Variants in MYO1B observed in about 807,000 individuals in gnomAD.
The protein encoded by MYO1B is unconventional myosin-Ib.
MYO1B carries 72 observed loss-of-function variants against 159.7 expected under a neutral mutation model. That is an observed-to-expected ratio of 0.45 (90% CI 0.37 to 0.55). The LOEUF (loss-of-function observed/expected upper bound fraction) is 0.55, where lower values mean the gene tolerates loss of function less well. Among genes scored for constraint, MYO1B ranks in the 20% least tolerant of loss-of-function variants. MYO1B has a pLI of 0.00. For synonymous variants in MYO1B, 468 were observed against 473.8 expected (o/e 0.99, Z 0.16); for missense variants, 1,062 against 1,364.8 (o/e 0.78, Z 3.50).
chr2:191,409,379 G>A (rs1427485378), intron 26 of MYO1B, among the ~76,000 whole-genome samples: 2 of 152,196 alleles, frequency 1.3e-5, no homozygotes, highest in East Asian at 1.9e-4. Flanking sequence ...CTGTGCGGTC[G>A]CCTCTCGGCC....
At position 191,277,115 on chromosome 2, in the gene MYO1B, T is replaced by TC; in HGVS notation, c.135+86dup. The TC allele has an allele frequency of 2.7e-6, 4 of 1,491,448 alleles. No individual in the cohort carries two copies. The Admixed American group carries it at 8.6e-5, about 32-fold the overall frequency. 92.4% of individuals were successfully genotyped at this position (1,491,448 alleles called of 1,614,324 possible). A position where few individuals can be genotyped will look rare whatever the true frequency, so the allele number is the denominator to read the frequency against. On this transcript the variant is annotated intron_variant, in intron 2 of 30. Coordinates refer to ENST00000392318, the MANE Select transcript of MYO1B (RefSeq NM_001130158.3). The stretch of plus-strand genomic sequence containing the variant: ...GTCTTTTCTTCCTCAGACTCTTCTT[T>TC]CTTTTTTCTCTCTGTTTGAGTCCAG...
intron 15 of MYO1B, among the ~76,000 whole-genome samples, chr2:191,384,033 G>T (rs960786151): frequency 9.2e-5 from 14 of 152,292 alleles, no homozygotes; most frequent in African/African-American, 3.4e-4. Flanking sequence ...GGTGGCCAGG[G>T]ACCTGGAATT....
At chr2:191,304,501 C>T (rs1357236330) in intron 3 of MYO1B, among the ~76,000 whole-genome samples, 1 of 152,056 alleles carries the variant, frequency 6.6e-6, no homozygotes, top group Non-Finnish European at 1.5e-5. Context: ...ACCCAGGAGG[C>T]GGAGGTTGCA....
In MYO1B at chr2:191,392,288, A is replaced by G. The variant is rs1026493244; in HGVS notation, c.2076+87A>G. 7.4e-5 allele frequency: 69 copies of G among 926,568 alleles called. No homozygotes were observed. In the South Asian group the frequency reaches 1.2e-3, roughly 16 times the overall value. 57.4% of individuals were successfully genotyped at this position (926,568 alleles called of 1,614,324 possible). A position where few individuals can be genotyped will look rare whatever the true frequency, so the allele number is the denominator to read the frequency against. On this transcript the variant is annotated intron_variant, in intron 19 of 30. Transcript: ENST00000392318. ...AATATGTTTAACTTTATAACATTAT[A>G]TGAGGGGCCACCATGAATGCCACAA...
intron 27 of MYO1B, among the ~76,000 whole-genome samples, chr2:191,411,473 A>G (rs926149245): frequency 2.6e-5 from 4 of 152,224 alleles, no homozygotes; most frequent in African/African-American, 9.6e-5. Context: ...ATACGTTTGC[A>G]TTGTAAATTC....
At chr2:191,361,956 A>G (rs1693697738) in intron 8 of MYO1B, among the ~76,000 whole-genome samples, 1 of 152,152 alleles carries the variant, frequency 6.6e-6, no homozygotes, top group South Asian at 2.1e-4. Context: ...GTTATAATGA[A>G]ATAATATATT....
intron 13 of MYO1B, 68 bp downstream of exon 13, chr2:191,370,360 T>C: frequency 9.5e-7 from 1 of 1,056,016 alleles, no homozygotes; most frequent in Non-Finnish European, 1.5e-6. Flanking sequence ...AATCCTGTAT[T>C]ATGTAGACAT....
Position 191,400,763 on chromosome 2 carries a change from G to GA in MYO1B, c.2398dup (p.Arg800LysfsTer8). On this transcript the variant is annotated frameshift_variant, in exon 23 of 31. Coordinates refer to ENST00000392318, the MANE Select transcript of MYO1B (RefSeq NM_001130158.3). LOFTEE classifies it high-confidence loss of function. ...ATGCATCACAGGCACGAAGGGAACT[G>GA]AGACGGCTGAAGGAGGAGGCTAGGA... 1 of 1,614,028 alleles carries GA rather than the reference G, an allele frequency of 6.2e-7. No homozygotes were observed. The highest frequency in any genetic ancestry group is 8.5e-7 in the Non-Finnish European group (1 of 1,179,900).
intron 30 of MYO1B, among the ~76,000 whole-genome samples, chr2:191,421,201 C>G (rs923622768): frequency 6.6e-6 from 1 of 151,826 alleles, no homozygotes; most frequent in Non-Finnish European, 1.5e-5. Flanking sequence ...CCCCGAGTAG[C>G]TGAGGTTACA....
chr2:191,265,731 C>A (rs141510391), intron 1 of MYO1B, among the ~76,000 whole-genome samples: 1 of 152,096 alleles, frequency 6.6e-6, no homozygotes, highest in Non-Finnish European at 1.5e-5. Context: ...AAAGTCCGTG[C>A]GTTATAATTA....
rs746467379 is a variant in MYO1B, at chr2:191,276,991, C to A, written c.96C>A (p.Ile32=). The A allele has an allele frequency of 2.5e-6, 4 of 1,614,006 alleles. No individual in the cohort carries two copies. Among genetic ancestry groups the A allele is most frequent in the Non-Finnish European group, 3.4e-6 (4 of 1,179,956 alleles). Residue 32 remains isoleucine, a synonymous_variant, in exon 2 of 31, where the codon ATC becomes ATA. Transcript: ENST00000392318. ...AACCTCTCAATGAGGAGACCTTCATCAACAACCTCAAGAAGCGCTTTGACC... is the reference window on the plus strand; with the variant it reads ...AACCTCTCAATGAGGAGACCTTCATAAACAACCTCAAGAAGCGCTTTGACC... ...LLEPLNEETF[I]NNLKKRFDHS... is the part of the protein sequence containing the mutation.
chr2:191,389,630 C>T (rs141848836), intron 17 of MYO1B, among the ~76,000 whole-genome samples: 1 of 152,210 alleles, frequency 6.6e-6, no homozygotes, highest in Non-Finnish European at 1.5e-5. Flanking sequence ...AAGTTGCTCA[C>T]CTGGCCACAT....
chr2:191,286,242 T>A (rs1204211932), intron 2 of MYO1B, among the ~76,000 whole-genome samples: 1 of 152,168 alleles, frequency 6.6e-6, no homozygotes, highest in African/African-American at 2.4e-5. Flanking sequence ...CTAAGTCTGT[T>A]ATTCACCTTA....
chr2:191,301,332 G>A lies in MYO1B; in HGVS notation c.251+5106G>A, dbSNP rs578110560. On this transcript the variant is annotated intron_variant, in intron 3 of 30. Transcript: ENST00000392318. ...GAGAACTGCCTCAGATTCCCAAACA[G>A]CATTGATAAGGAAAGGCTGAGAAGG... 2.5e-4 allele frequency among the ~76,000 whole-genome samples: 38 copies of A among 152,286 alleles called. 1 individual carries two copies. The South Asian group carries it at 7.7e-3, about 31-fold the overall frequency.
intron 29 of MYO1B, among the ~76,000 whole-genome samples, chr2:191,415,322 T>C (rs1266602548): frequency 6.6e-6 from 1 of 152,184 alleles, no homozygotes; most frequent in Non-Finnish European, 1.5e-5. Context: ...TAACAAATAT[T>C]GATCATATGT....
At chr2:191,311,833 T>G (rs1363570051) in intron 3 of MYO1B, among the ~76,000 whole-genome samples, 2 of 152,226 alleles carry the variant, frequency 1.3e-5, no homozygotes, top group South Asian at 4.1e-4. Context: ...TGGTTACTCA[T>G]TACCTGGAAT....
At chr2:191,332,400 A>C (rs1691548573) in intron 4 of MYO1B, among the ~76,000 whole-genome samples, 1 of 152,076 alleles carries the variant, frequency 6.6e-6, no homozygotes, top group Non-Finnish European at 1.5e-5. Flanking sequence ...AGATCTGCTC[A>C]ATCAACTATT....
At chr2:191,283,370 C>G (rs1457723974) in intron 2 of MYO1B, among the ~76,000 whole-genome samples, 1 of 152,158 alleles carries the variant, frequency 6.6e-6, no homozygotes, top group East Asian at 1.9e-4. Context: ...CTTTTGGAAG[C>G]AGTATGGTAG....
chr2:191,247,747 A>G (rs989320939), intron 1 of MYO1B, among the ~76,000 whole-genome samples: 2 of 152,262 alleles, frequency 1.3e-5, no homozygotes, highest in African/African-American at 4.8e-5. Context: ...CATTAACAAA[A>G]TGTAAAGCAT....
Sources: gnomAD v4.1 joint callset for allele counts (sites outside exome capture counted in the v4.1 genomes callset) on GRCh38, gnomAD v4.1.1 for gene constraint, MANE v1.5 for transcripts, NCBI Gene and HGNC (gene_info 2026-07-23, HGNC 2026-07-21) for gene names.